Variants in RABEP1 observed in about 807,000 individuals in gnomAD.
RABEP1 encodes the protein rab GTPase-binding effector protein 1.
In RABEP1, 51 loss-of-function variants were observed where a neutral mutation model predicts 123.4. That is an observed-to-expected ratio of 0.41 (90% CI 0.33 to 0.52). RABEP1 has a LOEUF of 0.52. RABEP1 is among the 20% of genes least tolerant of loss of function. The pLI, the probability that RABEP1 is intolerant of heterozygous loss-of-function variation, is 0.16. For missense variants in RABEP1, 888 were observed against 996.3 expected, an observed-to-expected ratio of 0.89 and a Z score of 1.46; for synonymous variants, 347 against 355.2, an observed-to-expected ratio of 0.98 and a Z score of 0.26.
rs201482159 is a variant in RABEP1, at chr17:5,338,015, A to G, written c.529-4A>G. The G allele has an allele frequency of 4.2e-4, 667 of 1,605,950 alleles. 3 individuals carry two copies. Among genetic ancestry groups the G allele is most frequent in the Middle Eastern group, 1.3e-3 (8 of 6,022 alleles). ...TCGTAGCATTTAATTCTTTTTAACC[A>G]TAGGCCCAAGAGGATGCTGAGAAAC... On this transcript the variant is annotated splice_region_variant and splice_polypyrimidine_tract_variant and intron_variant, in intron 4 of 17. Coordinates refer to ENST00000537505, the MANE Select transcript of RABEP1 (RefSeq NM_004703.6).
intron 2 of RABEP1, among the ~76,000 whole-genome samples, chr17:5,326,658 G>T (rs751084971): frequency 1.3e-4 from 20 of 152,200 alleles, no homozygotes; most frequent in Non-Finnish European, 2.9e-4. Flanking sequence ...GTGTGCCAGT[G>T]TGGGTTCATC....
At position 5,384,366 on chromosome 17, in the gene RABEP1, T is replaced by G. The variant is rs1417490267; in HGVS notation, c.*1143T>G. The G allele has an allele frequency of 9.4e-6, 2 of 212,498 alleles. No homozygotes were observed. The highest frequency in any genetic ancestry group is 4.5e-5 in the African/African-American group (2 of 44,236). The allele number at this position is 212,498 out of a possible 1,614,324, so 13.2% of individuals were successfully genotyped here. On this transcript the variant is annotated 3_prime_UTR_variant, in exon 18 of 18. Coordinates refer to ENST00000537505, the MANE Select transcript of RABEP1 (RefSeq NM_004703.6). ...AGAAAGCACAAAGAATTGATTCATG[T>G]TCATCAATACCTGCTGAGAGTACTG...
chr17:5,314,231 A>ATTTTTTTTTT (rs2075272537), intron 2 of RABEP1, among the ~76,000 whole-genome samples: 2 of 35,242 alleles, frequency 5.7e-5, no homozygotes, highest in African/African-American at 1.9e-4. Context: ...CTTAGTACCT[A>ATTTTTTTTTT]TTCTTTTTTT....
chr17:5,300,421 G>C (rs1482297108), intron 1 of RABEP1, among the ~76,000 whole-genome samples: 2 of 152,124 alleles, frequency 1.3e-5, no homozygotes, highest in African/African-American at 4.8e-5. Context: ...TTTTCTTTGT[G>C]TCACATCAAG....
At chr17:5,315,261 T>C (rs1237140151) in intron 2 of RABEP1, among the ~76,000 whole-genome samples, 1 of 152,116 alleles carries the variant, frequency 6.6e-6, no homozygotes, top group African/African-American at 2.4e-5. Flanking sequence ...AAACAAACGA[T>C]TAGAAATTAA....
chr17:5,307,268 A>C (rs1279213428), intron 1 of RABEP1, among the ~76,000 whole-genome samples: 8 of 152,234 alleles, frequency 5.3e-5, no homozygotes, highest in Non-Finnish European at 8.8e-5. Flanking sequence ...CGGTGAGCCG[A>C]GATCGCCCCA....
intron 5 of RABEP1, among the ~76,000 whole-genome samples, chr17:5,339,975 T>C (rs990698382): frequency 6.6e-6 from 1 of 152,282 alleles, no homozygotes; most frequent in Non-Finnish European, 1.5e-5. Context: ...ATCAATAAGA[T>C]ATAATAGTCA....
At chr17:5,354,136 T>C (rs1032471840) in intron 7 of RABEP1, among the ~76,000 whole-genome samples, 1 of 152,226 alleles carries the variant, frequency 6.6e-6, no homozygotes, top group Non-Finnish European at 1.5e-5. Flanking sequence ...AGCTGCTTCC[T>C]GATTTCTTCT....
chr17:5,369,095 C>CAA (rs1268507987), intron 12 of RABEP1, among the ~76,000 whole-genome samples: 1 of 151,654 alleles, frequency 6.6e-6, no homozygotes, highest in Non-Finnish European at 1.5e-5. Flanking sequence ...GGTGACACAG[C>CAA]AAGACTCTCT....
At position 5,346,849 on chromosome 17, in the gene RABEP1, G is replaced by A; in HGVS notation, c.708G>A (p.Met236Ile). 2 of 1,610,320 alleles carry A rather than the reference G, an allele frequency of 1.2e-6. No individual in the cohort carries two copies. Among genetic ancestry groups the A allele is most frequent in the Non-Finnish European group, 1.7e-6 (2 of 1,177,748 alleles). Residue 236 changes from methionine (M) to isoleucine (I), a missense_variant, in exon 6 of 18, where the codon ATG (methionine) becomes ATA (isoleucine). Coordinates refer to ENST00000537505, the MANE Select transcript of RABEP1 (RefSeq NM_004703.6). ...AATCTTGTAGGACTGATCTAGAGAT[G>A]TATGTAGCTGTTTTGAATACTCAGA... is the stretch of plus-strand genomic sequence containing the variant. ...AEKSCRTDLE[M>I]YVAVLNTQKS...
In RABEP1 at chr17:5,365,233, C is replaced by CA; in HGVS notation, c.1781dup (p.His594GlnfsTer18). On this transcript the variant is annotated frameshift_variant, in exon 11 of 18. Transcript: ENST00000537505. LOFTEE classifies it high-confidence loss of function. The stretch of plus-strand genomic sequence containing the variant: ...AAAGCAAAGCAGCGAAGATTCGAGT[C>CA]ACCAGGTAAGGGAGGGTTTATAGAC... The CA allele has an allele frequency of 6.2e-7, 1 of 1,603,886 alleles. No homozygotes were observed. Among genetic ancestry groups the CA allele is most frequent in the Non-Finnish European group, 8.5e-7 (1 of 1,175,358 alleles).
chr17:5,353,406 G>C (rs960425750), intron 7 of RABEP1, among the ~76,000 whole-genome samples: 1 of 152,068 alleles, frequency 6.6e-6, no homozygotes, highest in Admixed American at 6.6e-5. Context: ...GTAATTGTTT[G>C]TCTCTCCTCC....
At chr17:5,363,060 A>C in intron 10 of RABEP1, 44 bp downstream of exon 10, 1 of 1,439,902 alleles carries the variant, frequency 6.9e-7, no homozygotes, top group South Asian at 1.1e-5. Context: ...TGTCGTTTTC[A>C]TTGGAGGTGC....
At chr17:5,338,170 A>G (rs1907263609) in intron 5 of RABEP1, 32 bp downstream of exon 5, 2 of 1,589,510 alleles carry the variant, frequency 1.3e-6, no homozygotes, top group East Asian at 4.5e-5. Context: ...TTTGCTTGAA[A>G]CCCAAGTTTC....
chr17:5,285,317 G>A (rs1482009699), intron 1 of RABEP1, among the ~76,000 whole-genome samples: 1 of 85,596 alleles, frequency 1.2e-5, no homozygotes, highest in Non-Finnish European at 2.5e-5. Flanking sequence ...TTTTTCTTTT[G>A]TAGAGAGGGT....
intron 11 of RABEP1, among the ~76,000 whole-genome samples, chr17:5,367,969 C>G (rs182596781): frequency 6.6e-6 from 1 of 150,790 alleles, no homozygotes; most frequent in African/African-American, 2.4e-5. Context: ...GCAGGCCAGG[C>G]TGGTCTCGAA....
At chr17:5,293,925 T>C (rs1385815530) in intron 1 of RABEP1, among the ~76,000 whole-genome samples, 1 of 152,216 alleles carries the variant, frequency 6.6e-6, no homozygotes, top group African/African-American at 2.4e-5. Flanking sequence ...GTTTGTCAAG[T>C]TGGATCTTCC....
intron 2 of RABEP1, among the ~76,000 whole-genome samples, chr17:5,315,963 A>C (rs896006780): frequency 1.2e-4 from 19 of 152,230 alleles, no homozygotes; most frequent in Non-Finnish European, 2.4e-4. Context: ...AAAAGAAACA[A>C]TTACAATGAC....
chr17:5,302,114 C>G (rs1342520747), intron 1 of RABEP1, among the ~76,000 whole-genome samples: 1 of 152,052 alleles, frequency 6.6e-6, no homozygotes, highest in Non-Finnish European at 1.5e-5. Context: ...ATTTAGAAAT[C>G]ATGATTAGGA....
Sources: gnomAD v4.1 joint callset for allele counts (sites outside exome capture counted in the v4.1 genomes callset) on GRCh38, gnomAD v4.1.1 for gene constraint, MANE v1.5 for transcripts, NCBI Gene and HGNC (gene_info 2026-07-23, HGNC 2026-07-21) for gene names.